Variants in RAI2 observed in about 807,000 individuals in gnomAD.
RAI2 encodes retinoic acid induced 2.
A neutral mutation model predicts 15.3 loss-of-function variants in RAI2; 5 were observed. The ratio of observed to expected loss-of-function variants is 0.33; its 90% CI spans 0.17 to 0.69. RAI2 has a LOEUF of 0.69. RAI2 is among the 30% of genes least tolerant of loss of function. The pLI is 0.69. For missense variants in RAI2, 424 were observed against 424.7 expected, an observed-to-expected ratio of 1.00 and a Z score of 0.01; for synonymous variants, 191 against 184.0, an observed-to-expected ratio of 1.04 and a Z score of -0.31.
intron 1 of RAI2, among the ~76,000 whole-genome samples, chrX:17,846,795 AGTCT>A (rs1270317541): frequency 4.5e-5 from 5 of 112,009 alleles, no homozygotes; most frequent in African/African-American, 6.5e-5. Context: ...GTCATCATTT[AGTCT>A]GTCTATCAGC....
rs773560480 is a variant in RAI2, at chrX:17,800,412, C to T, written c.*6G>A. 19 of 1,169,997 alleles carry T rather than the reference C, an allele frequency of 1.6e-5. No homozygotes were observed. Among genetic ancestry groups the T allele is most frequent in the East Asian group, 9.0e-5 (3 of 33,436 alleles). On this transcript the variant is annotated 3_prime_UTR_variant, in exon 2 of 2. Transcript: ENST00000451717. ...TATAATCATACAAATTTTAAAAAGC[C>T]GTTATTTACTTTCTTGGAAAAAAGG... is the stretch of plus-strand genomic sequence containing the variant.
Position 17,800,432 on chromosome X carries a change from A to G in RAI2, c.1579T>C (p.Phe527Leu). 1 of 1,187,557 alleles carries G rather than the reference A, an allele frequency of 8.4e-7. No individual in the cohort carries two copies. The highest frequency in any genetic ancestry group is 1.1e-6 in the Non-Finnish European group (1 of 884,652). The change falls in exon 2 of 2, where the codon TTT becomes CTT. Residue 527 changes from phenylalanine to leucine, a missense_variant. Phe to Leu is a conservative substitution (Grantham distance 22). Coordinates refer to ENST00000451717, the MANE Select transcript of RAI2 (RefSeq NM_021785.6). Reference sequence around the variant, plus strand: ...AAAGCCGTTATTTACTTTCTTGGAAAAAAGGTGGCCAGCCGTTGTTTTTTG... The same window carrying G: ...AAAGCCGTTATTTACTTTCTTGGAAGAAAGGTGGCCAGCCGTTGTTTTTTG... ...PIKKQRLATF[F>L]PRK
At chrX:17,842,824 T>G (rs991402782) in intron 1 of RAI2, among the ~76,000 whole-genome samples, 1 of 111,655 alleles carries the variant, frequency 9.0e-6, no homozygotes, top group African/African-American at 3.3e-5. Context: ...AAAACAAGAT[T>G]TACTACCAAG....
chrX:17,818,210 C>G (rs1011962490), intron 1 of RAI2, among the ~76,000 whole-genome samples: 21 of 112,507 alleles, frequency 1.9e-4, no homozygotes, highest in African/African-American at 3.2e-5. Context: ...CCTCCCACCC[C>G]CTAAACCAAG....
Sources: allele counts gnomAD v4.1 joint callset (sites outside exome capture counted in the v4.1 genomes callset), GRCh38; gene constraint gnomAD v4.1.1; transcripts MANE v1.5; gene names NCBI Gene and HGNC (gene_info 2026-07-23, HGNC 2026-07-21).